Variants in ZRANB1 observed in about 807,000 individuals in gnomAD.
ZRANB1 encodes the protein ubiquitin thioesterase ZRANB1.
ZRANB1 carries 16 observed loss-of-function variants against 80.5 expected under a neutral mutation model. The observed-to-expected ratio is 0.20, with a 90% CI of 0.13 to 0.30. The LOEUF (loss-of-function observed/expected upper bound fraction) is 0.30, where lower values mean the gene tolerates loss of function less well. Among genes scored for constraint, ZRANB1 ranks in the 10% least tolerant of loss-of-function variants. The pLI is 1.00. For synonymous variants in ZRANB1, 291 were observed against 293.1 expected (o/e 0.99, Z 0.07); for missense variants, 576 against 862.6 (o/e 0.67, Z 4.16).
intron 5 of ZRANB1, among the ~76,000 whole-genome samples, chr10:124,978,563 G>A (rs1026149821): frequency 3.3e-5 from 5 of 151,966 alleles, no homozygotes; most frequent in Non-Finnish European, 7.4e-5. Flanking sequence ...AATTTCCCAC[G>A]GGGCAGGTGG....
intron 1 of ZRANB1, among the ~76,000 whole-genome samples, chr10:124,964,607 A>T (rs1331763909): frequency 6.6e-6 from 1 of 152,232 alleles, no homozygotes; most frequent in African/African-American, 2.4e-5. Flanking sequence ...ATATACACAT[A>T]AATTGTACAG....
At chr10:124,938,875 TAAAA>T (rs915064342), upstream of ZRANB1, among the ~76,000 whole-genome samples, 3 of 151,876 alleles carry the variant, frequency 2.0e-5, no homozygotes, top group African/African-American at 7.3e-5. Context: ...CCTGGCTAAT[TAAAA>T]AAAAGTTTTT....
intron 1 of ZRANB1, among the ~76,000 whole-genome samples, chr10:124,948,556 G>T (rs1951604144): frequency 6.8e-6 from 1 of 147,048 alleles, no homozygotes; most frequent in Non-Finnish European, 1.5e-5. Flanking sequence ...CCTTTTACTT[G>T]CTGTTTGCTC....
chr10:124,957,643 T>C (rs1437645106), intron 1 of ZRANB1, among the ~76,000 whole-genome samples: 1 of 152,190 alleles, frequency 6.6e-6, no homozygotes, highest in African/African-American at 2.4e-5. Flanking sequence ...ATGAATGGAA[T>C]CATACAGTAT....
intron 1 of ZRANB1, among the ~76,000 whole-genome samples, chr10:124,963,657 C>A (rs11816221): frequency 0.028 from 3,942 of 139,838 alleles, 150 homozygotes; most frequent in African/African-American, 0.097. Context: ...AAATTATATG[C>A]GTATGGGCCA....
intron 2 of ZRANB1, among the ~76,000 whole-genome samples, chr10:124,969,748 A>C (rs1048710959): frequency 6.6e-6 from 1 of 152,258 alleles, no homozygotes; most frequent in Non-Finnish European, 1.5e-5. Context: ...TAATTGATTT[A>C]ACTTGAATTA....
rs114408075 is a variant in ZRANB1 at position 124,972,647 on chromosome 10, T to C, written c.1156+529T>C. Among the ~76,000 whole-genome samples, 1,066 of 152,372 alleles carry C rather than the reference T, an allele frequency of 7.0e-3. 17 individuals carry two copies. The highest frequency in any genetic ancestry group is 0.024 in the African/African-American group (1,009 of 41,590). ...TGTTTGTGAAGGAACTTTTCATTTT[T>C]CAATTCATTGACAGTTGAAAACATC... On this transcript the variant is annotated intron_variant, in intron 3 of 8. Transcript: ENST00000359653.
At chr10:124,923,963 T>C in the ZRANB1 span, among the ~76,000 whole-genome samples, 1 of 150,162 alleles carries the variant, frequency 6.7e-6, no homozygotes, top group Non-Finnish European at 1.5e-5. Context: ...ATTTTTGTTA[T>C]TTTTATTGTT....
Position 124,987,451 on chromosome 10 carries a change from TG to T in ZRANB1, c.*2460del, listed in dbSNP as rs1167338447. 2.0e-5 allele frequency: 3 copies of T among 152,158 alleles called. No individual in the cohort carries two copies. Among genetic ancestry groups the T allele is most frequent in the African/African-American group, 7.2e-5 (3 of 41,436 alleles). The allele number at this position is 152,158 out of a possible 1,614,324, so 9.4% of individuals were successfully genotyped here. A position where few individuals can be genotyped will look rare whatever the true frequency, so the allele number is the denominator to read the frequency against. On this transcript the variant is annotated 3_prime_UTR_variant, in exon 9 of 9. Coordinates refer to ENST00000359653, the MANE Select transcript of ZRANB1 (RefSeq NM_017580.3). ...CCATGGATTCAGACCTGCCTTTTTA[TG>T]TTTTTGACTCTTAGGTTCATCGTGT...
At chr10:124,959,268 A>T (rs906040329) in intron 1 of ZRANB1, among the ~76,000 whole-genome samples, 1 of 152,158 alleles carries the variant, frequency 6.6e-6, no homozygotes, top group Admixed American at 6.5e-5. Context: ...TGAGAATTTT[A>T]TGTGTTAAAA....
chr10:124,931,827 GACACATAATC>G, the ZRANB1 span, among the ~76,000 whole-genome samples: 6 of 152,026 alleles, frequency 3.9e-5, no homozygotes, highest in Non-Finnish European at 5.9e-5. Flanking sequence ...AACCAACATT[GACACATAATC>G]ACCCAAAGTA....
chr10:124,924,795 T>C, the ZRANB1 span, among the ~76,000 whole-genome samples: 1 of 152,194 alleles, frequency 6.6e-6, no homozygotes, highest in Non-Finnish European at 1.5e-5. Flanking sequence ...CAGATGTAAG[T>C]TTTTACTTCT....
the ZRANB1 span, among the ~76,000 whole-genome samples, chr10:124,927,454 T>C: frequency 6.6e-6 from 1 of 152,248 alleles, no homozygotes; most frequent in Admixed American, 6.5e-5. Flanking sequence ...TTTCCTCTTT[T>C]GTTTGTGGTG....
the ZRANB1 span, among the ~76,000 whole-genome samples, chr10:124,936,544 T>C: frequency 5.3e-5 from 8 of 152,248 alleles, no homozygotes; most frequent in African/African-American, 1.9e-4. Flanking sequence ...AGCCCTGAAA[T>C]GAGGTTAGAT....
At chr10:124,980,623 C>T (rs1168422693) in intron 5 of ZRANB1, among the ~76,000 whole-genome samples, 6 of 152,182 alleles carry the variant, frequency 3.9e-5, no homozygotes, top group Non-Finnish European at 5.9e-5. Flanking sequence ...TATGATTAAA[C>T]ATCCTCAGTT....
chr10:124,960,887 A>C (rs572546170), intron 1 of ZRANB1, among the ~76,000 whole-genome samples: 47 of 152,328 alleles, frequency 3.1e-4, no homozygotes, highest in African/African-American at 1.0e-3. Context: ...TGAAATTTTT[A>C]TTTTGAAGTC....
the ZRANB1 span, among the ~76,000 whole-genome samples, chr10:124,933,717 T>C: frequency 6.6e-6 from 1 of 152,190 alleles, no homozygotes; most frequent in African/African-American, 2.4e-5. Context: ...GGGATTGTGA[T>C]TTAAGGTACG....
At chr10:124,937,191 T>C (rs2134234215), upstream of ZRANB1, among the ~76,000 whole-genome samples, 1 of 149,536 alleles carries the variant, frequency 6.7e-6, no homozygotes, top group African/African-American at 2.5e-5. Flanking sequence ...GTATTTTTTT[T>C]TTTTTTTTTT....
intron 2 of ZRANB1, among the ~76,000 whole-genome samples, chr10:124,968,043 C>T (rs1951790891): frequency 2.0e-5 from 3 of 151,968 alleles, no homozygotes; most frequent in Non-Finnish European, 4.4e-5. Context: ...GGATTGTAGG[C>T]ACATGCCACC....
Sources: gnomAD v4.1 joint callset for allele counts (sites outside exome capture counted in the v4.1 genomes callset) on GRCh38, gnomAD v4.1.1 for gene constraint, MANE v1.5 for transcripts, NCBI Gene and HGNC (gene_info 2026-07-23, HGNC 2026-07-21) for gene names.